Variants in MDFIC2 observed in about 807,000 individuals in gnomAD.
MDFIC2 encodes myoD family inhibitor domain-containing protein 2.
At chr3:70,259,671 A>G (rs1017597240) in intron 2 of MDFIC2, among the ~76,000 whole-genome samples, 2 of 152,210 alleles carry the variant, frequency 1.3e-5, no homozygotes, top group Non-Finnish European at 2.9e-5. Context: ...GTGGGCTCCC[A>G]TATTAGTTTC....
chr3:70,245,819 C>T (rs1244360171), intron 2 of MDFIC2, among the ~76,000 whole-genome samples: 1 of 149,964 alleles, frequency 6.7e-6, no homozygotes, highest in African/African-American at 2.4e-5. Context: ...CTGTCACCAT[C>T]CAATTTTTTT....
At chr3:70,282,883 A>G (rs1378015546) in intron 2 of MDFIC2, among the ~76,000 whole-genome samples, 2 of 152,194 alleles carry the variant, frequency 1.3e-5, no homozygotes, top group Non-Finnish European at 2.9e-5. Context: ...GAATTCATGA[A>G]TCTGCCAACA....
chr3:70,276,673 G>T (rs1428628504), intron 2 of MDFIC2, among the ~76,000 whole-genome samples: 1 of 152,162 alleles, frequency 6.6e-6, no homozygotes. Context: ...TCTACATATG[G>T]CCTACTGCAT....
At chr3:70,199,414 A>G (rs543641796) in intron 3 of MDFIC2, among the ~76,000 whole-genome samples, 5 of 152,258 alleles carry the variant, frequency 3.3e-5, no homozygotes, top group African/African-American at 9.6e-5. Context: ...CCTTTGGCCA[A>G]ATTGGCACTT....
intron 2 of MDFIC2, among the ~76,000 whole-genome samples, chr3:70,236,346 A>G (rs1450885923): frequency 1.3e-5 from 2 of 152,140 alleles, no homozygotes; most frequent in Non-Finnish European, 2.9e-5. Flanking sequence ...TTGTTCACTC[A>G]TATATATTCA....
chr3:70,291,659 C>G (rs1421585090), intron 2 of MDFIC2, among the ~76,000 whole-genome samples: 1 of 152,188 alleles, frequency 6.6e-6, no homozygotes, highest in Non-Finnish European at 1.5e-5. Context: ...TCACTCATAA[C>G]AGATTTGCTA....
At chr3:70,263,418 G>T (rs1701886456) in intron 2 of MDFIC2, among the ~76,000 whole-genome samples, 1 of 152,064 alleles carries the variant, frequency 6.6e-6, no homozygotes, top group African/African-American at 2.4e-5. Context: ...AGCTAATTTA[G>T]CTTTTCTAAG....
chr3:70,237,977 A>ATATTTTTTTTTTTT (rs1251005797), intron 2 of MDFIC2, among the ~76,000 whole-genome samples: 1 of 13,008 alleles, frequency 7.7e-5, no homozygotes, highest in Non-Finnish European at 1.4e-4. Context: ...ATTGAGTGGT[A>ATATTTTTTTTTTTT]TCTTTTTTTT....
In MDFIC2 at chr3:70,206,727, G is replaced by C. The variant is rs924163408; in HGVS notation, c.152C>G (p.Ser51Ter). 7.5e-6 allele frequency: 3 copies of C among 397,686 alleles called. No homozygotes were observed. Among genetic ancestry groups the C allele is most frequent in the African/African-American group, 4.1e-5 (2 of 48,538 alleles). 24.6% of individuals were successfully genotyped at this position (397,686 alleles called of 1,614,324 possible). ...EKPINAIVIN[S>*]VSDFNITDGP... The stretch of plus-strand genomic sequence containing the variant: ...ATCTGTGATATTGAAGTCAGATACT[G>C]AATTTATAACAATAGCATTAATGGG... The change falls in exon 3 of 4, where the codon TCA (serine) becomes TGA (stop). Residue 51 changes from serine to a stop codon, truncating the protein, a stop_gained. Transcript: ENST00000567252. LOFTEE classifies it high-confidence loss of function.
chr3:70,279,002 C>G (rs1161281099), intron 2 of MDFIC2, among the ~76,000 whole-genome samples: 1 of 151,286 alleles, frequency 6.6e-6, no homozygotes, highest in Admixed American at 6.6e-5. Flanking sequence ...GAAAATCCGT[C>G]TATATGTAGA....
Position 70,245,671 on chromosome 3 carries a change from TTATATATATATATATATATA to T in MDFIC2, c.89-38901_89-38882del, listed in dbSNP as rs34480688. ...TTGCATAACGTTTTTGCAAACTGCT[TTATATATATATATATATATA>T]TATATATATATATATATATATATAC... On this transcript the variant is annotated intron_variant, in intron 2 of 3. Transcript: ENST00000567252. Among the ~76,000 whole-genome samples, 422 of 57,240 alleles carry T rather than the reference TTATATATATATATATATATA, an allele frequency of 7.4e-3. 12 individuals are homozygous for T. The highest frequency in any genetic ancestry group is 0.047 in the South Asian group (59 of 1,254). The allele number at this position is 57,240 out of a possible 152,430, so 37.6% of individuals were successfully genotyped here.
intron 2 of MDFIC2, among the ~76,000 whole-genome samples, chr3:70,275,728 G>A (rs188247145): frequency 1.3e-5 from 2 of 152,116 alleles, no homozygotes; most frequent in Admixed American, 1.3e-4. Context: ...TAAATAAATT[G>A]TGAAGTACAA....
chr3:70,214,452 G>GTA (rs1227988037), intron 2 of MDFIC2, among the ~76,000 whole-genome samples: 4 of 152,052 alleles, frequency 2.6e-5, no homozygotes, highest in Non-Finnish European at 5.9e-5. Context: ...AAAGGCTAAA[G>GTA]TATATTATTC....
chr3:70,209,649 C>A (rs553664483), intron 2 of MDFIC2, among the ~76,000 whole-genome samples: 2 of 152,148 alleles, frequency 1.3e-5, no homozygotes, highest in East Asian at 3.9e-4. Flanking sequence ...TGGTAGATTC[C>A]AAAAGCTTTG....
intron 2 of MDFIC2, among the ~76,000 whole-genome samples, chr3:70,289,528 A>G (rs1391108679): frequency 2.7e-5 from 4 of 147,900 alleles, no homozygotes; most frequent in Admixed American, 6.7e-5. Context: ...GAATCTGACA[A>G]TTATGTGTCT....
At chr3:70,248,754 A>G (rs1199738983) in intron 2 of MDFIC2, among the ~76,000 whole-genome samples, 1 of 152,184 alleles carries the variant, frequency 6.6e-6, no homozygotes. Flanking sequence ...ACAGCTCAAC[A>G]TATTGGAAAA....
intron 2 of MDFIC2, among the ~76,000 whole-genome samples, chr3:70,285,167 A>T (rs1452670791): frequency 6.7e-6 from 1 of 148,782 alleles, no homozygotes; most frequent in Non-Finnish European, 1.5e-5. Context: ...CTAACTTGTC[A>T]TCTAGCATTA....
At chr3:70,237,698 C>G (rs1701623831) in intron 2 of MDFIC2, among the ~76,000 whole-genome samples, 1 of 152,190 alleles carries the variant, frequency 6.6e-6, no homozygotes, top group Non-Finnish European at 1.5e-5. Flanking sequence ...AACATGTATA[C>G]ACACACAGAT....
intron 2 of MDFIC2, among the ~76,000 whole-genome samples, chr3:70,248,290 A>T (rs989745646): frequency 3.9e-5 from 6 of 152,144 alleles, no homozygotes; most frequent in African/African-American, 1.4e-4. Flanking sequence ...AATAGATTGC[A>T]GGAATGTCTT....
Sources: gnomAD v4.1 joint callset for allele counts (sites outside exome capture counted in the v4.1 genomes callset) on GRCh38, gnomAD v4.1.1 for gene constraint, MANE v1.5 for transcripts, NCBI Gene and HGNC (gene_info 2026-07-23, HGNC 2026-07-21) for gene names.